The following PTPRT variants were observed in gnomAD, a reference collection of about 807,000 sequenced individuals.
PTPRT encodes the protein receptor-type tyrosine-protein phosphatase T.
In PTPRT, 56 loss-of-function variants were observed where a neutral mutation model predicts 176.8. That is an observed-to-expected ratio of 0.32 (90% CI 0.26 to 0.40). The LOEUF is 0.40. Among genes scored for constraint, PTPRT ranks in the 10% least tolerant of loss-of-function variants. PTPRT has a pLI of 1.00. For synonymous variants in PTPRT, 783 were observed against 739.0 expected, an observed-to-expected ratio of 1.06 and a Z score of -0.96; for missense variants, 1,540 against 1,908.2, an observed-to-expected ratio of 0.81 and a Z score of 3.60.
chr20:42,389,167 T>G, intron 9 of PTPRT, among the ~76,000 whole-genome samples: 1 of 151,286 alleles, frequency 6.6e-6, no homozygotes, highest in Non-Finnish European at 1.5e-5. Context: ...AGGAGATATA[T>G]CTAATGTAAA....
chr20:42,665,036 T>C (rs1313243813), intron 7 of PTPRT, among the ~76,000 whole-genome samples: 3 of 152,078 alleles, frequency 2.0e-5, no homozygotes, highest in Admixed American at 1.3e-4. Flanking sequence ...GACATAGGCA[T>C]GGGCAAGGAC....
intron 15 of PTPRT, among the ~76,000 whole-genome samples, chr20:42,223,296 T>C (rs1047997320): frequency 2.0e-5 from 3 of 152,214 alleles, no homozygotes; most frequent in African/African-American, 7.2e-5. Flanking sequence ...GCTGTCCTGG[T>C]AAATCCCCAC....
intron 1 of PTPRT, among the ~76,000 whole-genome samples, chr20:42,939,496 T>C (rs1239206397): frequency 6.6e-6 from 1 of 152,210 alleles, no homozygotes; most frequent in African/African-American, 2.4e-5. Context: ...CTTGTTACTC[T>C]CTGTACCCAC....
chr20:42,627,508 G>C lies in PTPRT; in HGVS notation c.1153+50358C>G, dbSNP rs75061609. On this transcript the variant is annotated intron_variant, in intron 7 of 30. Coordinates refer to ENST00000373187, the MANE Select transcript of PTPRT (RefSeq NM_007050.6). ...GTTGGTCTTGAACTCCTGGCATCAA[G>C]CAATCTTTCTGCCTTGGCCTCCCAA... Among the ~76,000 whole-genome samples, 19 of 152,142 alleles carry C rather than the reference G, an allele frequency of 1.2e-4. No homozygotes were observed. The East Asian group carries it at 3.7e-3, about 29-fold the overall frequency.
chr20:42,840,648 A>G (rs972323925), intron 2 of PTPRT, among the ~76,000 whole-genome samples: 8 of 152,136 alleles, frequency 5.3e-5, no homozygotes, highest in Non-Finnish European at 1.2e-4. Context: ...CTTGACCTCA[A>G]GTGATCTGCC....
chr20:42,494,347 C>T (rs1885774411), intron 7 of PTPRT, among the ~76,000 whole-genome samples: 1 of 152,038 alleles, frequency 6.6e-6, no homozygotes, highest in Non-Finnish European at 1.5e-5. Context: ...TGGGGAGGTT[C>T]TAGTTATAAA....
At chr20:42,623,181 G>C (rs1255938871) in intron 7 of PTPRT, among the ~76,000 whole-genome samples, 1 of 152,210 alleles carries the variant, frequency 6.6e-6, no homozygotes, top group Non-Finnish European at 1.5e-5. Context: ...CTCCAAACAA[G>C]AACCCGGGTG....
At chr20:42,613,621 C>G (rs2074011875) in intron 7 of PTPRT, among the ~76,000 whole-genome samples, 2 of 152,192 alleles carry the variant, frequency 1.3e-5, no homozygotes, top group African/African-American at 4.8e-5. Flanking sequence ...ATCACTTTAG[C>G]ACAGACCTGG....
chr20:42,103,469 A>G (rs1338046913), intron 25 of PTPRT, among the ~76,000 whole-genome samples: 1 of 152,068 alleles, frequency 6.6e-6, no homozygotes, highest in East Asian at 1.9e-4. Context: ...TATTTATTTT[A>G]TTTTTTATGT....
At chr20:42,117,085 T>C (rs544116573) in intron 21 of PTPRT, among the ~76,000 whole-genome samples, 1 of 152,212 alleles carries the variant, frequency 6.6e-6, no homozygotes, top group East Asian at 1.9e-4. Context: ...TCAGGGTAGG[T>C]ACTCTACCCC....
intron 9 of PTPRT, among the ~76,000 whole-genome samples, chr20:42,426,807 C>G (rs142880282): frequency 1.5e-3 from 235 of 152,248 alleles, no homozygotes; most frequent in Middle Eastern, 0.01. Flanking sequence ...CAAGGGGGGT[C>G]AGGGAACCCT....
rs141530157 is a variant in PTPRT, at chr20:42,637,274, C to A, written c.1153+40592G>T. Among the ~76,000 whole-genome samples the A allele has an allele frequency of 2.4e-3, 370 of 152,268 alleles. 2 individuals carry two copies. The Middle Eastern group carries it at 0.027, about 11-fold the overall frequency. ...AGCCAGAATGGTTCACCACTGTCTC[C>A]TTCTCACTGGGCTAAAAATCCAAAG... is the stretch of plus-strand genomic sequence containing the variant. On this transcript the variant is annotated intron_variant, in intron 7 of 30. Coordinates refer to ENST00000373187, the MANE Select transcript of PTPRT (RefSeq NM_007050.6).
intron 1 of PTPRT, among the ~76,000 whole-genome samples, chr20:43,038,960 G>C (rs2425546): frequency 0.3 from 45,656 of 152,108 alleles, 9,070 homozygotes; most frequent in African/African-American, 0.56. Flanking sequence ...CAGGAGGTAT[G>C]TTGTACTTAG....
At chr20:42,917,807 G>T (rs919834319) in intron 1 of PTPRT, among the ~76,000 whole-genome samples, 3 of 152,128 alleles carry the variant, frequency 2.0e-5, no homozygotes, top group African/African-American at 7.2e-5. Context: ...TTGAGGTGAG[G>T]GATGGAGATA....
intron 7 of PTPRT, among the ~76,000 whole-genome samples, chr20:42,521,433 C>T (rs182891825): frequency 7.9e-5 from 12 of 152,266 alleles, no homozygotes; most frequent in Non-Finnish European, 7.4e-5. Context: ...TTCAATACTA[C>T]GTCCATTTAT....
At chr20:42,371,128 A>G (rs973932977) in intron 9 of PTPRT, among the ~76,000 whole-genome samples, 2 of 152,354 alleles carry the variant, frequency 1.3e-5, no homozygotes, top group South Asian at 2.1e-4. Context: ...CACTATAACA[A>G]TGGGGATGGT....
chr20:42,437,032 T>C (rs371879872), intron 9 of PTPRT, among the ~76,000 whole-genome samples: 16 of 152,318 alleles, frequency 1.1e-4, no homozygotes, highest in African/African-American at 3.8e-4. Flanking sequence ...ACAGGAATTA[T>C]ATACAAGATT....
intron 8 of PTPRT, among the ~76,000 whole-genome samples, chr20:42,450,099 G>T (rs2070802056): frequency 6.6e-6 from 1 of 152,202 alleles, no homozygotes; most frequent in Non-Finnish European, 1.5e-5. Context: ...CTTAGAGGGG[G>T]CGTTGCCCCT....
At chr20:42,355,985 C>T (rs902400369) in intron 9 of PTPRT, among the ~76,000 whole-genome samples, 1 of 152,112 alleles carries the variant, frequency 6.6e-6, no homozygotes. Flanking sequence ...ATGAATAAAT[C>T]AATGTATGTT....
Sources: allele counts gnomAD v4.1 joint callset (sites outside exome capture counted in the v4.1 genomes callset), GRCh38; gene constraint gnomAD v4.1.1; transcripts MANE v1.5; gene names NCBI Gene and HGNC (gene_info 2026-07-23, HGNC 2026-07-21).